Variants in ECE1 observed in about 807,000 individuals in gnomAD.
ECE1 encodes the protein endothelin converting enzyme 1.
In ECE1, 35 loss-of-function variants were observed where a neutral mutation model predicts 98.6. That is an observed-to-expected ratio of 0.35 (90% CI 0.27 to 0.47). The LOEUF is 0.47. ECE1 is among the 20% of genes least tolerant of loss of function. The pLI is 1.00. For missense variants in ECE1, 814 were observed against 1,025.3 expected, an observed-to-expected ratio of 0.79 and a Z score of 2.81; for synonymous variants, 394 against 407.1, an observed-to-expected ratio of 0.97 and a Z score of 0.39.
chr1:21,234,879 G>GC (rs2098186138), intron 13 of ECE1, among the ~76,000 whole-genome samples: 1 of 152,200 alleles, frequency 6.6e-6, no homozygotes, highest in African/African-American at 2.4e-5. Context: ...GCCTCCAGAG[G>GC]CCCAAGGATC....
chr1:21,235,914 T>C lies in ECE1; in HGVS notation c.1502A>G (p.Tyr501Cys). 6.2e-7 allele frequency: 1 copy of C among 1,614,168 alleles called. No individual in the cohort carries two copies. The highest frequency in any genetic ancestry group is 8.5e-7 in the Non-Finnish European group (1 of 1,180,000). ...GAAGTTGGGGTATCCTATCATGTTG[T>C]AGATGGCATCGGCCTGGACAGGACA... ...KSAKEKADAIYNMIGYPNFIM... is the reference protein window; with the variant it reads ...KSAKEKADAICNMIGYPNFIM... Residue 501 changes from tyrosine (Y) to cysteine (C), a missense_variant, in exon 13 of 19, where the codon TAC becomes TGC. Physicochemically the swap from Tyr to Cys is radical, Grantham distance 194. Transcript: ENST00000374893. The surrounding 1 kb of genome is among the most constrained non-coding windows in gnomAD (Gnocchi z 4.2).
chr1:21,336,545 A>T (rs371975729), intron 1 of ECE1, among the ~76,000 whole-genome samples: 1 of 152,042 alleles, frequency 6.6e-6, no homozygotes, highest in Non-Finnish European at 1.5e-5. Context: ...AAATACAAAA[A>T]ATTAGTCGGC....
At position 21,238,533 on chromosome 1, in the gene ECE1, G is replaced by A. The variant is rs144299542; in HGVS notation, c.1279-289C>T. ...GCTTACAAGCCGTTTGACTGATGGG[G>A]AAACACACTCGGCACGGAGCAGCTG... On this transcript the variant is annotated intron_variant, in intron 10 of 18. Transcript: ENST00000374893. Among the ~76,000 whole-genome samples, 9 of 152,280 alleles carry A rather than the reference G, an allele frequency of 5.9e-5. No homozygotes were observed. The East Asian group carries it at 1.6e-3, about 26-fold the overall frequency.
At chr1:21,236,022 G>T in intron 12 of ECE1, 95 bp from the exon 13 acceptor site, 1 of 1,205,140 alleles carries the variant, frequency 8.3e-7, no homozygotes, top group East Asian at 2.3e-5. Flanking sequence ...GGGCCAAGGG[G>T]AACCAGAGCC....
chr1:21,323,823 T>C (rs537095523), intron 1 of ECE1, among the ~76,000 whole-genome samples: 7 of 149,666 alleles, frequency 4.7e-5, no homozygotes, highest in South Asian at 4.3e-4. Context: ...TTCTTTCTTT[T>C]TTTTTTTTTT....
chr1:21,337,753 A>G (rs1012934192), intron 1 of ECE1, among the ~76,000 whole-genome samples: 2 of 152,198 alleles, frequency 1.3e-5, no homozygotes, highest in Non-Finnish European at 2.9e-5. Flanking sequence ...GCTCCATATT[A>G]GAGACAGGAG....
At chr1:21,244,230 C>T (rs556280684) in intron 10 of ECE1, among the ~76,000 whole-genome samples, 14 of 152,242 alleles carry the variant, frequency 9.2e-5, no homozygotes, top group African/African-American at 2.6e-4. Context: ...CTCTGGGGCC[C>T]GAGCGTGATG....
chr1:21,263,856 A>AC (rs918458358), intron 4 of ECE1, among the ~76,000 whole-genome samples: 50 of 151,866 alleles, frequency 3.3e-4, no homozygotes, highest in African/African-American at 1.1e-3. Context: ...CACGGGGACA[A>AC]CCCACGGCAC....
intron 14 of ECE1, among the ~76,000 whole-genome samples, chr1:21,228,564 T>C (rs2098177448): frequency 6.6e-6 from 1 of 151,892 alleles, no homozygotes; most frequent in Admixed American, 6.6e-5. Flanking sequence ...GGTGGGTGGA[T>C]TACTTGAGGC....
At chr1:21,287,152 G>C (rs2103354757) in intron 2 of ECE1, among the ~76,000 whole-genome samples, 1 of 152,322 alleles carries the variant, frequency 6.6e-6, no homozygotes, top group South Asian at 2.1e-4. Context: ...TCAAAATCTT[G>C]AAAAATCAAA....
rs184555419 is a variant in ECE1 at position 21,326,924 on chromosome 1, G to A, written c.3+18452C>T. Among the ~76,000 whole-genome samples, 161 of 152,200 alleles carry A rather than the reference G, an allele frequency of 1.1e-3. 1 individual carries two copies. Among genetic ancestry groups the A allele is most frequent in the African/African-American group, 3.7e-3 (154 of 41,536 alleles). On this transcript the variant is annotated intron_variant, in intron 1 of 18. Transcript: ENST00000415912. ...AGCTCGGGTCCCTGGAAACACCCCC[G>A]CTCCCCAGCAAGGGGCTGTGTTTGC...
At chr1:21,281,441 A>G (rs1175712152) in intron 2 of ECE1, among the ~76,000 whole-genome samples, 2 of 152,222 alleles carry the variant, frequency 1.3e-5, no homozygotes, top group Non-Finnish European at 2.9e-5. Context: ...TATGATGCTA[A>G]CATGTACACT....
intron 1 of ECE1, among the ~76,000 whole-genome samples, chr1:21,321,756 G>C (rs1638968755): frequency 6.6e-6 from 1 of 152,076 alleles, no homozygotes; most frequent in Admixed American, 6.6e-5. Context: ...GCTGGAATTA[G>C]AGGCACGTGC....
At chr1:21,221,977 C>A (rs2098168036) in intron 17 of ECE1, 135 bp from the exon 18 acceptor site, 4 of 793,124 alleles carry the variant, frequency 5.0e-6, no homozygotes, top group Non-Finnish European at 8.9e-6. Flanking sequence ...TGGGCTCAGC[C>A]TAGGGGAGCC....
intron 1 of ECE1, among the ~76,000 whole-genome samples, chr1:21,306,500 C>A (rs1018526017): frequency 9.2e-5 from 14 of 152,134 alleles, no homozygotes; most frequent in Non-Finnish European, 2.1e-4. Flanking sequence ...CCACGCCTGG[C>A]TAATTTTTGT....
At chr1:21,275,055 A>T (rs1228605827) in intron 3 of ECE1, among the ~76,000 whole-genome samples, 1 of 152,238 alleles carries the variant, frequency 6.6e-6, no homozygotes, top group Non-Finnish European at 1.5e-5. Flanking sequence ...TACTTAGAGA[A>T]GGAAAAGAAT....
chr1:21,316,480 G>T (rs951755472), intron 1 of ECE1, among the ~76,000 whole-genome samples: 1 of 151,966 alleles, frequency 6.6e-6, no homozygotes, highest in South Asian at 2.1e-4. Context: ...CACCATGTTG[G>T]CCAGGCTGAT....
intron 1 of ECE1, chr1:21,298,477 C>T (rs146432623): frequency 9.4e-5 from 30 of 318,590 alleles, no homozygotes; most frequent in Non-Finnish European, 1.5e-4. Context: ...TTTCCACGGA[C>T]GTGAATGGAG....
intron 16 of ECE1, 133 bp downstream of exon 16, chr1:21,227,026 A>ATT: frequency 1.4e-5 from 11 of 769,930 alleles, no homozygotes; most frequent in Admixed American, 2.2e-5. Flanking sequence ...GCACAGCCTA[A>ATT]TTTTTTTTTT....
Sources: allele counts gnomAD v4.1 joint callset (sites outside exome capture counted in the v4.1 genomes callset), GRCh38; gene constraint gnomAD v4.1.1; non-coding constraint Gnocchi (gnomAD v3.1); transcripts MANE v1.5; gene names NCBI Gene and HGNC (gene_info 2026-07-23, HGNC 2026-07-21).